The following NRXN1 variants were observed in gnomAD, a reference collection of about 807,000 sequenced individuals.
NRXN1 encodes neurexin 1.
In NRXN1, 39 loss-of-function variants were observed where a neutral mutation model predicts 150.9. That is an observed-to-expected ratio of 0.26 (90% CI 0.20 to 0.34). NRXN1 has a LOEUF of 0.34. Ranked by LOEUF, NRXN1 falls within the 10% of genes least tolerant of loss-of-function variation. The pLI is 1.00. For synonymous variants in NRXN1, 924 were observed against 757.0 expected, an observed-to-expected ratio of 1.22 and a Z score of -3.62; for missense variants, 1,815 against 1,949.9, an observed-to-expected ratio of 0.93 and a Z score of 1.30.
intron 21 of NRXN1, among the ~76,000 whole-genome samples, chr2:49,971,017 C>T (rs939271278): frequency 6.6e-6 from 1 of 152,108 alleles, no homozygotes; most frequent in African/African-American, 2.4e-5. Context: ...CTAGAATTAA[C>T]AGCACTAATT....
intron 18 of NRXN1, among the ~76,000 whole-genome samples, chr2:50,109,541 T>C (rs1702104698): frequency 6.6e-6 from 1 of 151,706 alleles, no homozygotes; most frequent in Non-Finnish European, 1.5e-5. Flanking sequence ...GTTTGCGGGG[T>C]TCTCTTGGGT....
intron 17 of NRXN1, among the ~76,000 whole-genome samples, chr2:50,369,752 G>A (rs1202692596): frequency 3.3e-5 from 5 of 151,908 alleles, no homozygotes; most frequent in Admixed American, 1.3e-4. Context: ...GTGGCTAATC[G>A]AAGTAATGAT....
intron 19 of NRXN1, among the ~76,000 whole-genome samples, chr2:50,089,808 T>A (rs990753102): frequency 4.6e-5 from 7 of 151,784 alleles, no homozygotes; most frequent in Non-Finnish European, 8.8e-5. Context: ...AAAAGTTAAA[T>A]TGATAAAGAA....
At chr2:50,717,481 G>A (rs1696018328) in intron 5 of NRXN1, among the ~76,000 whole-genome samples, 1 of 152,020 alleles carries the variant, frequency 6.6e-6, no homozygotes, top group Admixed American at 6.6e-5. Flanking sequence ...ATGATTTTCA[G>A]TAACAGAATA....
In NRXN1 at chr2:50,099,698, G is replaced by A. The variant is rs183079115; in HGVS notation, c.3547-8204C>T. ...ATTGCTTCAATTATATAGACATTTC[G>A]GTTTTGCTAGAGGATACATTTTTAA... On this transcript the variant is annotated intron_variant, in intron 18 of 22. Transcript: ENST00000401669. 1.4e-3 allele frequency among the ~76,000 whole-genome samples: 214 copies of A among 152,112 alleles called. 1 individual carries two copies. The highest frequency in any genetic ancestry group is 3.8e-3 in the Admixed American group (58 of 15,252).
In NRXN1 at chr2:50,937,242, T is replaced by C. The variant is rs1044674571; in HGVS notation, c.773-11287A>G. Among the ~76,000 whole-genome samples the C allele has an allele frequency of 3.2e-4, 49 of 152,282 alleles. 1 individual carries two copies. Among genetic ancestry groups the C allele is most frequent in the Admixed American group, 2.6e-3 (39 of 15,280 alleles). ...CCATTATATTATTATAATTAATGCTTCCTTATACAAATCACAGGCTGCTTA... is the reference window on the plus strand; with the variant it reads ...CCATTATATTATTATAATTAATGCTCCCTTATACAAATCACAGGCTGCTTA... On this transcript the variant is annotated intron_variant, in intron 2 of 22. Coordinates refer to ENST00000401669, the MANE Select transcript of NRXN1 (RefSeq NM_001330078.2).
At chr2:50,462,274 T>A (rs1187818687) in intron 17 of NRXN1, among the ~76,000 whole-genome samples, 4 of 151,630 alleles carry the variant, frequency 2.6e-5, no homozygotes, top group African/African-American at 7.3e-5. Flanking sequence ...TAGGTAACTA[T>A]AAGGAAAAAG....
chr2:50,590,939 T>C, intron 8 of NRXN1, among the ~76,000 whole-genome samples: 1 of 152,164 alleles, frequency 6.6e-6, no homozygotes, highest in East Asian at 1.9e-4. Context: ...CTAAATAATA[T>C]AACTCCCTGC....
chr2:50,236,690 T>C (rs2065467172), intron 18 of NRXN1, 99 bp downstream of exon 18: 4 of 1,038,508 alleles, frequency 3.9e-6, no homozygotes, highest in Non-Finnish European at 5.9e-6. Context: ...AAGTACTGGT[T>C]TCTGGGGGAA....
chr2:50,792,844 A>G (rs1706249642), intron 5 of NRXN1, among the ~76,000 whole-genome samples: 1 of 152,100 alleles, frequency 6.6e-6, no homozygotes, highest in African/African-American at 2.4e-5. Flanking sequence ...GTTTTAAATA[A>G]GAATAAATTA....
chr2:50,566,943 G>A (rs972278433), intron 8 of NRXN1, among the ~76,000 whole-genome samples: 2 of 151,856 alleles, frequency 1.3e-5, no homozygotes, highest in Non-Finnish European at 2.9e-5. Flanking sequence ...TCTCTTTTTC[G>A]ACCAAGTGCC....
chr2:50,308,458 A>C (rs1171436414), intron 17 of NRXN1, among the ~76,000 whole-genome samples: 1 of 151,620 alleles, frequency 6.6e-6, no homozygotes, highest in African/African-American at 2.4e-5. Flanking sequence ...CTCCCAAGCA[A>C]CTAGGACTAC....
intron 21 of NRXN1, among the ~76,000 whole-genome samples, chr2:50,005,913 A>C (rs1684686081): frequency 1.3e-5 from 2 of 152,128 alleles, no homozygotes; most frequent in African/African-American, 4.8e-5. Context: ...AGATCTATTA[A>C]TTTTATTGGA....
intron 5 of NRXN1, among the ~76,000 whole-genome samples, chr2:50,734,204 C>T (rs903783765): frequency 6.6e-6 from 1 of 152,120 alleles, no homozygotes; most frequent in Non-Finnish European, 1.5e-5. Context: ...ACATGTCTAC[C>T]ATGCCAATCT....
At chr2:50,634,631 G>T (rs141008922) in intron 5 of NRXN1, among the ~76,000 whole-genome samples, 1 of 152,020 alleles carries the variant, frequency 6.6e-6, no homozygotes, top group Non-Finnish European at 1.5e-5. Context: ...TGAATTTGTG[G>T]TCACTTTTGG....
intron 5 of NRXN1, among the ~76,000 whole-genome samples, chr2:50,683,607 G>C (rs1690747290): frequency 1.5e-5 from 1 of 65,434 alleles, no homozygotes; most frequent in Non-Finnish European, 3.1e-5. Context: ...ACTCCAGCCT[G>C]GGTGACAGAG....
chr2:49,939,346 G>A (rs1671578862), intron 22 of NRXN1, among the ~76,000 whole-genome samples: 1 of 152,066 alleles, frequency 6.6e-6, no homozygotes, highest in African/African-American at 2.4e-5. Flanking sequence ...GGACAACACT[G>A]GCCTGTAACA....
At chr2:50,988,818 A>G (rs2104962897) in intron 2 of NRXN1, among the ~76,000 whole-genome samples, 1 of 152,076 alleles carries the variant, frequency 6.6e-6, no homozygotes, top group African/African-American at 2.4e-5. Context: ...TAAATTATGC[A>G]CCCTGCCTAA....
chr2:50,934,664 C>T (rs1243795898), intron 2 of NRXN1, among the ~76,000 whole-genome samples: 1 of 152,060 alleles, frequency 6.6e-6, no homozygotes, highest in Non-Finnish European at 1.5e-5. Context: ...TAATATCAAG[C>T]TATTCATATA....
Sources: gnomAD v4.1 joint callset for allele counts (sites outside exome capture counted in the v4.1 genomes callset) on GRCh38, gnomAD v4.1.1 for gene constraint, MANE v1.5 for transcripts, NCBI Gene and HGNC (gene_info 2026-07-23, HGNC 2026-07-21) for gene names.